The following GLRA1 variants were observed in gnomAD, a reference collection of about 807,000 sequenced individuals.
The protein encoded by GLRA1 is glycine receptor subunit alpha-1.
Under a neutral mutation model 48.3 loss-of-function variants are expected in GLRA1, and 37 were observed. That is an observed-to-expected ratio of 0.77 (90% CI 0.59 to 1.01). The LOEUF (loss-of-function observed/expected upper bound fraction) is 1.01. GLRA1 is among the 50% of genes least tolerant of loss of function. The pLI, the probability that GLRA1 is intolerant of heterozygous loss-of-function variation, is 0.00. For synonymous variants in GLRA1, 196 were observed against 210.7 expected, an observed-to-expected ratio of 0.93 and a Z score of 0.60; for missense variants, 427 against 571.0, an observed-to-expected ratio of 0.75 and a Z score of 2.57.
intron 1 of GLRA1, among the ~76,000 whole-genome samples, chr5:151,896,993 G>A (rs550279333): frequency 1.4e-4 from 21 of 152,244 alleles, no homozygotes; most frequent in South Asian, 2.1e-4. Context: ...AACACCTAAC[G>A]AGACTCCTGG....
intron 1 of GLRA1, among the ~76,000 whole-genome samples, chr5:151,910,922 A>G (rs1057474614): frequency 1.3e-5 from 2 of 152,072 alleles, no homozygotes; most frequent in African/African-American, 4.8e-5. Context: ...AGGGACCATG[A>G]CTCTGTTCCT....
At chr5:151,839,522 T>A (rs1441334084) in intron 7 of GLRA1, among the ~76,000 whole-genome samples, 6 of 152,064 alleles carry the variant, frequency 3.9e-5, no homozygotes, top group African/African-American at 1.4e-4. Context: ...AGGAGCAAAG[T>A]TTTTTGCGTA....
In GLRA1 at chr5:151,845,154, G is replaced by A. The variant is rs537981127; in HGVS notation, c.912+6236C>T. On this transcript the variant is annotated intron_variant, in intron 7 of 8. Coordinates refer to ENST00000274576, the MANE Select transcript of GLRA1 (RefSeq NM_000171.4). ...GAATATAGTGAGAAGTCACCCCTAA[G>A]AGAAGGCATTAATCTATTCATGAGG... Among the ~76,000 whole-genome samples, 3 of 152,270 alleles carry A rather than the reference G, an allele frequency of 2.0e-5. No homozygotes were observed. In the South Asian group the frequency reaches 6.2e-4, roughly 32 times the overall value.
At chr5:151,845,592 T>C (rs1449255538) in intron 7 of GLRA1, among the ~76,000 whole-genome samples, 1 of 152,218 alleles carries the variant, frequency 6.6e-6, no homozygotes, top group Non-Finnish European at 1.5e-5. Context: ...TTTGTGAAGA[T>C]GTGCAGACGT....
At chr5:151,838,677 A>T (rs544302472) in intron 7 of GLRA1, among the ~76,000 whole-genome samples, 1 of 152,362 alleles carries the variant, frequency 6.6e-6, no homozygotes, top group Middle Eastern at 3.4e-3. Flanking sequence ...CCTGTGGGAA[A>T]CCATGTAATG....
rs555748881 is a variant in GLRA1, at chr5:151,869,334, C to T, written c.253-9326G>A. Among the ~76,000 whole-genome samples, 3 of 150,602 alleles carry T rather than the reference C, an allele frequency of 2.0e-5. No homozygotes were observed. In the East Asian group the frequency reaches 6.2e-4, roughly 31 times the overall value. On this transcript the variant is annotated intron_variant, in intron 3 of 8. Coordinates refer to ENST00000274576, the MANE Select transcript of GLRA1 (RefSeq NM_000171.4). ...GGCCAGGCTGGTCTCAAACTCCTGG[C>T]CTCAAGTGATCCACCCGCCTTGGCG... is the stretch of plus-strand genomic sequence containing the variant.
In GLRA1 at chr5:151,892,307, C is replaced by T. The variant is rs1178790150; in HGVS notation, c.184+4G>A. 2 of 1,613,654 alleles carry T rather than the reference C, an allele frequency of 1.2e-6. No individual in the cohort carries two copies. Among genetic ancestry groups the T allele is most frequent in the Non-Finnish European group, 1.7e-6 (2 of 1,179,690 alleles). On this transcript the variant is annotated splice_donor_region_variant and intron_variant, in intron 2 of 8. Coordinates refer to ENST00000274576, the MANE Select transcript of GLRA1 (RefSeq NM_000171.4). ...TGTGGGTCTGGAAGGAATATTTTCT[C>T]TACCTTTAAAATTGGGCCTGATCCT...
In GLRA1 at chr5:151,855,120, A is replaced by C. The variant is rs1581619756; in HGVS notation, c.617T>G (p.Val206Gly). Residue 206 changes from valine to glycine, a missense_variant, in exon 6 of 9, where the codon GTA (valine) becomes GGA (glycine). This residue lies in a region of GLRA1 where 271 missense variants were observed against 434.9 expected (regional missense o/e 0.62). Transcript: ENST00000274576. The part of the protein sequence containing the change: ...FEWQEQGAVQ[V>G]ADGLTLPQFI... ...CTGGGGCAGAGTTAGTCCATCTGCTACCTGCACGGCTCCCTGTTCCTGCCA... is the reference window on the plus strand; with the variant it reads ...CTGGGGCAGAGTTAGTCCATCTGCTCCCTGCACGGCTCCCTGTTCCTGCCA... The C allele has an allele frequency of 6.2e-7, 1 of 1,613,564 alleles. No homozygotes were observed. Among genetic ancestry groups the C allele is most frequent in the African/African-American group, 1.3e-5 (1 of 75,032 alleles).
chr5:151,869,828 A>G (rs1753432114), intron 3 of GLRA1, among the ~76,000 whole-genome samples: 1 of 149,876 alleles, frequency 6.7e-6, no homozygotes, highest in African/African-American at 2.5e-5. Flanking sequence ...ACCAAAATTT[A>G]GAGTGGTTAA....
chr5:151,870,143 C>T (rs1448687533), intron 3 of GLRA1, among the ~76,000 whole-genome samples: 5 of 149,484 alleles, frequency 3.3e-5, no homozygotes, highest in South Asian at 2.1e-4. Context: ...ATATAGTAGA[C>T]GTAGTATACT....
intron 3 of GLRA1, among the ~76,000 whole-genome samples, chr5:151,866,496 G>C (rs1424967157): frequency 6.6e-6 from 1 of 152,114 alleles, no homozygotes; most frequent in African/African-American, 2.4e-5. Flanking sequence ...CAAGATTGTT[G>C]GTGGGAAGGG....
Position 151,886,410 on chromosome 5 carries a change from A to C in GLRA1, c.252+311T>G, listed in dbSNP as rs76324933. On this transcript the variant is annotated intron_variant, in intron 3 of 8. Coordinates refer to ENST00000274576, the MANE Select transcript of GLRA1 (RefSeq NM_000171.4). Reference sequence around the variant, plus strand: ...CTGCCATTCTGCAGTTGAATGTTAAACTTAAAAACAGGTCTTCACATTTTC... The same window carrying C: ...CTGCCATTCTGCAGTTGAATGTTAACCTTAAAAACAGGTCTTCACATTTTC... Among the ~76,000 whole-genome samples, 1,331 of 152,348 alleles carry C rather than the reference A, an allele frequency of 8.7e-3. 19 individuals carry two copies. The highest frequency in any genetic ancestry group is 0.031 in the African/African-American group (1,282 of 41,572).
At chr5:151,895,625 C>CTGTG (rs67871185) in intron 1 of GLRA1, among the ~76,000 whole-genome samples, 2,021 of 146,676 alleles carry the variant, frequency 0.014, 46 homozygotes, top group African/African-American at 0.045. Context: ...GTGTGTGTGT[C>CTGTG]TGTGTGTGTG....
Position 151,899,850 on chromosome 5 carries a change from C to A in GLRA1, c.57-7412G>T, listed in dbSNP as rs10056061. On this transcript the variant is annotated intron_variant, in intron 1 of 8. Transcript: ENST00000274576. Reference sequence around the variant, plus strand: ...CAGGGTCTTATGGAACAAGACACCCCTCCCCCTTCCTGTCCTACCTCCCAC... The same window carrying A: ...CAGGGTCTTATGGAACAAGACACCCATCCCCCTTCCTGTCCTACCTCCCAC... 6.0e-3 allele frequency among the ~76,000 whole-genome samples: 908 copies of A among 152,242 alleles called. 6 individuals are homozygous for A. The highest frequency in any genetic ancestry group is 0.021 in the African/African-American group (863 of 41,532).
intron 7 of GLRA1, chr5:151,849,906 T>G: frequency 6.6e-7 from 1 of 1,526,704 alleles, no homozygotes; most frequent in South Asian, 1.3e-5. Context: ...AACAGTGACA[T>G]GCATTTCATG....
At chr5:151,902,858 T>C (rs1455110551) in intron 1 of GLRA1, among the ~76,000 whole-genome samples, 1 of 152,196 alleles carries the variant, frequency 6.6e-6, no homozygotes, top group Admixed American at 6.5e-5. Context: ...GTGAGGTCCA[T>C]AGAGATTAAA....
At chr5:151,827,029 G>GTTTTTTTTTTT (rs199505206) in intron 8 of GLRA1, among the ~76,000 whole-genome samples, 28 of 126,782 alleles carry the variant, frequency 2.2e-4, no homozygotes, top group African/African-American at 6.4e-4. Flanking sequence ...CTTTCTTTCT[G>GTTTTTTTTTTT]TTTTTTTTTT....
At chr5:151,906,925 A>G (rs972371607) in intron 1 of GLRA1, among the ~76,000 whole-genome samples, 2 of 152,216 alleles carry the variant, frequency 1.3e-5, no homozygotes, top group African/African-American at 4.8e-5. Context: ...TGCCTGATAC[A>G]TGTGAGGAAA....
chr5:151,900,700 G>C (rs1283663929), intron 1 of GLRA1, among the ~76,000 whole-genome samples: 1 of 152,020 alleles, frequency 6.6e-6, no homozygotes, highest in Non-Finnish European at 1.5e-5. Context: ...CCTTACTCCA[G>C]GTGCATGTGT....
Sources: allele counts gnomAD v4.1 joint callset (sites outside exome capture counted in the v4.1 genomes callset), GRCh38; gene constraint gnomAD v4.1.1; regional missense constraint gnomAD v4.1.1; transcripts MANE v1.5; gene names NCBI Gene and HGNC (gene_info 2026-07-23, HGNC 2026-07-21).